The following BRINP1 variants were observed in gnomAD, a reference collection of about 807,000 sequenced individuals.
The protein encoded by BRINP1 is BMP/retinoic acid inducible neural specific 1.
A neutral mutation model predicts 72.9 loss-of-function variants in BRINP1; 17 were observed. The ratio of observed to expected loss-of-function variants is 0.23; its 90% confidence interval spans 0.16 to 0.35. The LOEUF is 0.35. BRINP1 is among the 10% of genes least tolerant of loss of function. The pLI is 1.00. For missense variants in BRINP1, 850 were observed against 1,001.6 expected (o/e 0.85, Z 2.04); for synonymous variants, 418 against 378.5 (o/e 1.10, Z -1.21).
chr9:119,224,596 G>T (rs551077919), intron 5 of BRINP1, among the ~76,000 whole-genome samples: 1 of 151,980 alleles, frequency 6.6e-6, no homozygotes, highest in Non-Finnish European at 1.5e-5. Context: ...TAACCACAAA[G>T]GTTGATTTGT....
chr9:119,270,021 T>C (rs1298255109), intron 2 of BRINP1, among the ~76,000 whole-genome samples: 2 of 151,856 alleles, frequency 1.3e-5, no homozygotes, highest in East Asian at 3.9e-4. Context: ...GGGAATGCAA[T>C]GTTAAGTGGG....
chr9:119,309,610 C>A (rs372411856), intron 2 of BRINP1, among the ~76,000 whole-genome samples: 2 of 152,180 alleles, frequency 1.3e-5, no homozygotes, highest in African/African-American at 4.8e-5. Context: ...AGATAACTTA[C>A]ATTTTACAAG....
At chr9:119,209,592 C>A (rs1829900204) in intron 6 of BRINP1, among the ~76,000 whole-genome samples, 1 of 147,460 alleles carries the variant, frequency 6.8e-6, no homozygotes, top group South Asian at 2.1e-4. Flanking sequence ...AAAAGGAAAA[C>A]AAAATGTTTA....
At position 119,167,828 on chromosome 9, in the gene BRINP1, G is replaced by C. The variant is rs373092839; in HGVS notation, c.1542C>G (p.Thr514=). 5 of 1,614,206 alleles carry C rather than the reference G, an allele frequency of 3.1e-6. No homozygotes were observed. The highest frequency in any genetic ancestry group is 1.3e-5 in the African/African-American group (1 of 75,054). The part of the protein sequence containing the change: ...TFISNEIRLD[T]FFDPRWRKRM... Reference sequence around the variant, plus strand: ...GCTTGCGCCACCGAGGGTCAAAGAAGGTGTCGAGGCGGATCTCGTTGCTGA... The same window carrying C: ...GCTTGCGCCACCGAGGGTCAAAGAACGTGTCGAGGCGGATCTCGTTGCTGA... Residue 514 remains threonine, a synonymous_variant, in exon 8 of 8, where the codon ACC becomes ACG. Coordinates refer to ENST00000265922, the MANE Select transcript of BRINP1 (RefSeq NM_014618.3). This position sits in a 1 kb window ranked among gnomAD's most constrained non-coding sequence, Gnocchi z 4.3.
intron 1 of BRINP1, among the ~76,000 whole-genome samples, chr9:119,348,885 C>G (rs184356122): frequency 1.3e-5 from 2 of 152,146 alleles, no homozygotes; most frequent in Non-Finnish European, 2.9e-5. Flanking sequence ...AAATCACTGA[C>G]AAGTGAATGC....
At chr9:119,326,684 T>C (rs1831244827) in intron 1 of BRINP1, among the ~76,000 whole-genome samples, 1 of 152,222 alleles carries the variant, frequency 6.6e-6, no homozygotes, top group South Asian at 2.1e-4. Flanking sequence ...TTGGAGTGTT[T>C]ATTGTAGGCC....
At chr9:119,275,347 A>G (rs1185322145) in intron 2 of BRINP1, among the ~76,000 whole-genome samples, 1 of 152,126 alleles carries the variant, frequency 6.6e-6, no homozygotes, top group Non-Finnish European at 1.5e-5. Flanking sequence ...CCCAACTCCC[A>G]CAAGACTATG....
At chr9:119,186,993 C>G (rs938193111) in intron 7 of BRINP1, among the ~76,000 whole-genome samples, 1 of 152,044 alleles carries the variant, frequency 6.6e-6, no homozygotes, top group East Asian at 1.9e-4. Context: ...TCCCCAGAAC[C>G]TGAGCCACTG....
chr9:119,285,747 TC>T lies in BRINP1; in HGVS notation c.218+27390del, dbSNP rs374632270. Among the ~76,000 whole-genome samples, 25 of 152,280 alleles carry T rather than the reference TC, an allele frequency of 1.6e-4. No homozygotes were observed. In the South Asian group the frequency reaches 5.2e-3, roughly 32 times the overall value. On this transcript the variant is annotated intron_variant, in intron 2 of 7. Coordinates refer to ENST00000265922, the MANE Select transcript of BRINP1 (RefSeq NM_014618.3). ...TAACTATCCCTTAGGTTTTCTTGAA[TC>T]CCCAGAGGATTTCTGGTGCCTTGGT...
intron 1 of BRINP1, among the ~76,000 whole-genome samples, chr9:119,323,989 A>G (rs1189411616): frequency 6.6e-6 from 1 of 152,244 alleles, no homozygotes; most frequent in Non-Finnish European, 1.5e-5. Context: ...GTCTTTCCTT[A>G]ACTTTCATCC....
chr9:119,279,787 A>G (rs1050412922), intron 2 of BRINP1, among the ~76,000 whole-genome samples: 1 of 152,224 alleles, frequency 6.6e-6, no homozygotes, highest in African/African-American at 2.4e-5. Context: ...AATGCTGGAA[A>G]TTGCGTTCAT....
chr9:119,197,396 G>T (rs1829749677), intron 7 of BRINP1, among the ~76,000 whole-genome samples: 1 of 152,108 alleles, frequency 6.6e-6, no homozygotes, highest in African/African-American at 2.4e-5. Context: ...TTTTGATAGG[G>T]TTGTCATAAG....
intron 1 of BRINP1, among the ~76,000 whole-genome samples, chr9:119,324,901 A>G (rs1236599382): frequency 6.6e-6 from 1 of 152,160 alleles, no homozygotes; most frequent in Non-Finnish European, 1.5e-5. Context: ...GGAGCTCGAG[A>G]CCAGCCTGAC....
At position 119,214,044 on chromosome 9, in the gene BRINP1, C is replaced by T. The variant is rs377626812; in HGVS notation, c.797G>A (p.Arg266His). 2.0e-5 allele frequency: 33 copies of T among 1,614,154 alleles called. No individual in the cohort carries two copies. Among genetic ancestry groups the T allele is most frequent in the South Asian group, 1.4e-4 (13 of 91,086 alleles). Reference sequence around the variant, plus strand: ...CGGAAACTCCTCGGCACATTGGCAGCGACACTGGCTGTTCTGGCACAGGTA... The same window carrying T: ...CGGAAACTCCTCGGCACATTGGCAGTGACACTGGCTGTTCTGGCACAGGTA... ...GEYLCQNSQC[R>H]CQCAEEFPQC... The change falls in exon 6 of 8, where the codon CGC becomes CAC. Residue 266 changes from arginine (R) to histidine (H), a missense_variant. Coordinates refer to ENST00000265922, the MANE Select transcript of BRINP1 (RefSeq NM_014618.3).
At position 119,277,555 on chromosome 9, in the gene BRINP1, A is replaced by G. The variant is rs143463693; in HGVS notation, c.219-28405T>C. Among the ~76,000 whole-genome samples, 352 of 152,300 alleles carry G rather than the reference A, an allele frequency of 2.3e-3. 1 individual carries two copies. Among genetic ancestry groups the G allele is most frequent in the African/African-American group, 7.0e-3 (293 of 41,564 alleles). ...TATTGGAAACAGCTGCTAAGCATAT[A>G]CCAGCACATTACTGATTACAAGAGA... On this transcript the variant is annotated intron_variant, in intron 2 of 7. Transcript: ENST00000265922.
chr9:119,350,622 A>G (rs1831498087), intron 1 of BRINP1, among the ~76,000 whole-genome samples: 1 of 152,142 alleles, frequency 6.6e-6, no homozygotes, highest in African/African-American at 2.4e-5. Flanking sequence ...ACACATTAAA[A>G]AAAAAGATTG....
At chr9:119,344,917 T>C (rs563344899) in intron 1 of BRINP1, among the ~76,000 whole-genome samples, 1 of 152,336 alleles carries the variant, frequency 6.6e-6, no homozygotes, top group Admixed American at 6.5e-5. Context: ...CCCAACATGA[T>C]CAGTTCTCTC....
At chr9:119,248,470 T>G (rs1830345724) in intron 3 of BRINP1, among the ~76,000 whole-genome samples, 1 of 152,172 alleles carries the variant, frequency 6.6e-6, no homozygotes, top group Non-Finnish European at 1.5e-5. Context: ...GAGGGATGGG[T>G]AAGGCTGAGC....
At chr9:119,295,356 T>C (rs200406333) in intron 2 of BRINP1, among the ~76,000 whole-genome samples, 1 of 152,152 alleles carries the variant, frequency 6.6e-6, no homozygotes. Context: ...ATTTTGTCAT[T>C]GTACAAACAT....
Sources: allele counts gnomAD v4.1 joint callset (sites outside exome capture counted in the v4.1 genomes callset), GRCh38; gene constraint gnomAD v4.1.1; non-coding constraint Gnocchi (gnomAD v3.1); transcripts MANE v1.5; gene names NCBI Gene and HGNC (gene_info 2026-07-23, HGNC 2026-07-21).